RASSF5: variants seen among roughly 807,000 people sequenced by gnomAD.
RASSF5 encodes ras association domain-containing protein 5.
Under a neutral mutation model 40.5 loss-of-function variants are expected in RASSF5, and 25 were observed. That is an observed-to-expected ratio of 0.62 (90% CI 0.45 to 0.86). RASSF5 has a LOEUF of 0.86. Ranked by LOEUF, RASSF5 falls within the 40% of genes least tolerant of loss-of-function variation. RASSF5 has a pLI of 0.00. For missense variants in RASSF5, 521 were observed against 572.8 expected, an observed-to-expected ratio of 0.91 and a Z score of 0.92; for synonymous variants, 246 against 252.4, an observed-to-expected ratio of 0.97 and a Z score of 0.24.
intron 1 of RASSF5, among the ~76,000 whole-genome samples, chr1:206,518,107 CG>C (rs1201523598): frequency 2.8e-4 from 42 of 152,298 alleles, no homozygotes; most frequent in African/African-American, 8.9e-4. Flanking sequence ...AAGTGAGGCT[CG>C]GGGCAGGCTC....
At chr1:206,558,326 G>T (rs1401447809) in intron 2 of RASSF5, among the ~76,000 whole-genome samples, 1 of 151,982 alleles carries the variant, frequency 6.6e-6, no homozygotes, top group African/African-American at 2.4e-5. Flanking sequence ...TTTCCTAAAG[G>T]TGTCCGCCTC....
At chr1:206,548,846 C>A (rs568933610) in intron 2 of RASSF5, among the ~76,000 whole-genome samples, 1 of 152,024 alleles carries the variant, frequency 6.6e-6, no homozygotes. Context: ...ATTCTCTTTT[C>A]TTTCTGTGGT....
chr1:206,587,771 C>T lies in RASSF5; in HGVS notation c.*793C>T, dbSNP rs1159371453. On this transcript the variant is annotated 3_prime_UTR_variant, in exon 6 of 6. Coordinates refer to ENST00000579436, the MANE Select transcript of RASSF5 (RefSeq NM_182663.4). ...TGTTGTCATCATCGTCATGTGTTTCCCCAAAGGGAAGCCAGTCATTGACCA... is the reference window on the plus strand; with the variant it reads ...TGTTGTCATCATCGTCATGTGTTTCTCCAAAGGGAAGCCAGTCATTGACCA... 1 of 152,386 alleles carries T rather than the reference C, an allele frequency of 6.6e-6. No individual in the cohort carries two copies. Among genetic ancestry groups the T allele is most frequent in the Non-Finnish European group, 1.5e-5 (1 of 68,050 alleles). 9.4% of individuals were successfully genotyped at this position (152,386 alleles called of 1,614,324 possible).
chr1:206,583,603 T>G, intron 3 of RASSF5: 1 of 522,430 alleles, frequency 1.9e-6, no homozygotes, highest in Non-Finnish European at 3.5e-6. Context: ...GCTTGTGATT[T>G]TGGGAAGCTC....
Position 206,550,059 on chromosome 1 carries a change from C to T in RASSF5, c.579+11766C>T, listed in dbSNP as rs138789619. Among the ~76,000 whole-genome samples, 474 of 152,302 alleles carry T rather than the reference C, an allele frequency of 3.1e-3. 3 individuals carry two copies. Among genetic ancestry groups the T allele is most frequent in the South Asian group, 0.012 (56 of 4,824 alleles). ...TCTCCCTAGACTCGAGCAGCATCTCCTCAGCTTCAGGGGGTTTTCCAGGCT... is the reference window on the plus strand; with the variant it reads ...TCTCCCTAGACTCGAGCAGCATCTCTTCAGCTTCAGGGGGTTTTCCAGGCT... On this transcript the variant is annotated intron_variant, in intron 2 of 5. Transcript: ENST00000579436.
At chr1:206,557,211 G>A in intron 2 of RASSF5, 1 of 1,056,438 alleles carries the variant, frequency 9.5e-7, no homozygotes, top group Non-Finnish European at 1.1e-6. Flanking sequence ...GGCGGGGGAG[G>A]TGCGGAGATG....
At chr1:206,508,673 T>C (rs1666532832) in intron 1 of RASSF5, among the ~76,000 whole-genome samples, 1 of 152,084 alleles carries the variant, frequency 6.6e-6, no homozygotes, top group African/African-American at 2.4e-5. Context: ...GCCTTTCACC[T>C]CTGGCCCCTC....
chr1:206,589,205 A>G lies in RASSF5; in HGVS notation c.*2227A>G, dbSNP rs1669261238. ...CAGTGTGTAAGTGTTTGTTTCCAGG[A>G]TATTTTCTTTTTAAATGTCTTTCTT... On this transcript the variant is annotated 3_prime_UTR_variant, in exon 6 of 6. Transcript: ENST00000579436. 1 of 152,636 alleles carries G rather than the reference A, an allele frequency of 6.6e-6. No individual in the cohort carries two copies. The highest frequency in any genetic ancestry group is 2.4e-5 in the African/African-American group (1 of 41,392). The allele number at this position is 152,636 out of a possible 1,614,324, so 9.5% of individuals were successfully genotyped here.
chr1:206,540,836 A>T (rs1667527604), intron 2 of RASSF5, among the ~76,000 whole-genome samples: 1 of 151,976 alleles, frequency 6.6e-6, no homozygotes, highest in Non-Finnish European at 1.5e-5. Flanking sequence ...GAGCTCAGCT[A>T]CTTCCGGGTA....
chr1:206,538,435 C>G (rs562844414), intron 2 of RASSF5, 142 bp downstream of exon 2: 5 of 1,159,378 alleles, frequency 4.3e-6, no homozygotes, highest in Non-Finnish European at 6.2e-6. Flanking sequence ...TTCACAGACA[C>G]CCTGTTCCAA....
At position 206,588,606 on chromosome 1, in the gene RASSF5, T is replaced by C. The variant is rs11589; in HGVS notation, c.*1628T>C. The C allele has an allele frequency of 0.28, 43,195 of 152,272 alleles. 6,196 individuals are homozygous for C. Among genetic ancestry groups the C allele is most frequent in the Middle Eastern group, 0.42 (124 of 294 alleles). 9.4% of individuals were successfully genotyped at this position (152,272 alleles called of 1,614,324 possible). On this transcript the variant is annotated 3_prime_UTR_variant, in exon 6 of 6. Coordinates refer to ENST00000579436, the MANE Select transcript of RASSF5 (RefSeq NM_182663.4). ...CGTGTAGCTTCAGAAGTTCCCTCTC[T>C]GACCCAGGCTGAGTCCATACTGCCC...
chr1:206,533,344 G>A (rs1219999483), intron 1 of RASSF5, among the ~76,000 whole-genome samples: 1 of 152,182 alleles, frequency 6.6e-6, no homozygotes, highest in Non-Finnish European at 1.5e-5. Context: ...CTCTGGAGGA[G>A]GTTTCCACTA....
chr1:206,557,284 A>T (rs1668016161), intron 2 of RASSF5: 1 of 1,194,206 alleles, frequency 8.4e-7, no homozygotes, highest in Admixed American at 4.7e-5. Context: ...CAGAGCCCGG[A>T]CGAGTCAGGG....
At chr1:206,576,062 G>T (rs564348145) in intron 2 of RASSF5, among the ~76,000 whole-genome samples, 3 of 152,306 alleles carry the variant, frequency 2.0e-5, no homozygotes, top group East Asian at 1.9e-4. Context: ...GCCAAGCGGG[G>T]TGCCAAAAAG....
At chr1:206,529,230 G>A in intron 1 of RASSF5, 1 of 1,378,706 alleles carries the variant, frequency 7.3e-7, no homozygotes. Context: ...AACAAAGCAA[G>A]AGAAGAAGCA....
chr1:206,523,451 T>C (rs1286698889), intron 1 of RASSF5, among the ~76,000 whole-genome samples: 1 of 116,968 alleles, frequency 8.5e-6, no homozygotes, highest in East Asian at 2.1e-4. Context: ...ATATAATATA[T>C]AATATATTAA....
chr1:206,523,069 C>T (rs1443002367), intron 1 of RASSF5, among the ~76,000 whole-genome samples: 1 of 151,790 alleles, frequency 6.6e-6, no homozygotes, highest in Non-Finnish European at 1.5e-5. Context: ...CTTTGGGAGA[C>T]TGAGGTGGGC....
Position 206,550,260 on chromosome 1 carries a change from G to A in RASSF5, c.579+11967G>A, listed in dbSNP as rs553077638. 2.0e-5 allele frequency among the ~76,000 whole-genome samples: 3 copies of A among 152,246 alleles called. No individual in the cohort carries two copies. In the South Asian group the frequency reaches 6.2e-4, roughly 32 times the overall value. On this transcript the variant is annotated intron_variant, in intron 2 of 5. Coordinates refer to ENST00000579436, the MANE Select transcript of RASSF5 (RefSeq NM_182663.4). ...ATTTTTTTGGTTGTTTTAATCAGGA[G>A]GATATATCTGAATCCTATTCCCTCA... is the stretch of plus-strand genomic sequence containing the variant.
rs1669143012 is a variant in RASSF5 at position 206,586,968 on chromosome 1, A to G, written c.1247A>G (p.Lys416Arg). ...GAGGCCTTAAGAGAATCCCAGGGCA[A>G]ACCTGGGTAACCGGTCCTGCTTCCT... The part of the protein sequence containing the change: ...LEEALRESQG[K>R]PG Residue 416 changes from lysine (K) to arginine (R), a missense_variant, in exon 6 of 6, where the codon AAA (lysine) becomes AGA (arginine). By Grantham distance (26) the Lys-to-Arg change is conservative (BLOSUM62 2). Around this residue, in one of 2 missense-constraint regions of RASSF5, gnomAD observed 284 missense variants for 360.8 expected, o/e 0.79. Coordinates refer to ENST00000579436, the MANE Select transcript of RASSF5 (RefSeq NM_182663.4). 1 of 1,614,104 alleles carries G rather than the reference A, an allele frequency of 6.2e-7. No individual in the cohort carries two copies.
Sources: allele counts gnomAD v4.1 joint callset (sites outside exome capture counted in the v4.1 genomes callset), GRCh38; gene constraint gnomAD v4.1.1; regional missense constraint gnomAD v4.1.1; transcripts MANE v1.5; gene names NCBI Gene and HGNC (gene_info 2026-07-23, HGNC 2026-07-21).